Variants in HSD17B4 observed in about 807,000 individuals in gnomAD.
HSD17B4 encodes the protein hydroxysteroid 17-beta dehydrogenase 4, also known as peroxisomal multifunctional enzyme type 2.
In HSD17B4, 70 loss-of-function variants were observed where a neutral mutation model predicts 101.0. The observed-to-expected ratio is 0.69, with a 90% CI of 0.57 to 0.85. The LOEUF is 0.85. Ranked by LOEUF, HSD17B4 falls within the 40% of genes least tolerant of loss-of-function variation. HSD17B4 has a pLI of 0.00. For synonymous variants in HSD17B4, 347 were observed against 297.1 expected, an observed-to-expected ratio of 1.17 and a Z score of -1.73; for missense variants, 984 against 892.4, an observed-to-expected ratio of 1.10 and a Z score of -1.31.
At chr5:119,478,688 TTA>T in intron 7 of HSD17B4, 144 bp from the exon 8 acceptor site, 1 of 587,666 alleles carries the variant, frequency 1.7e-6, no homozygotes, top group Non-Finnish European at 3.0e-6. Flanking sequence ...TAATATTATT[TTA>T]GTTACATAAA....
rs1750962265 is a variant in HSD17B4, at chr5:119,499,513, G to C, written c.1169G>C (p.Gly390Ala). 3.7e-6 allele frequency: 6 copies of C among 1,613,338 alleles called. No individual in the cohort carries two copies. The highest frequency in any genetic ancestry group is 5.1e-6 in the Non-Finnish European group (6 of 1,179,504). Residue 390 changes from glycine to alanine, a missense_variant, in exon 13 of 24, where the codon GGA becomes GCA. Coordinates refer to ENST00000510025, the MANE Select transcript of HSD17B4 (RefSeq NM_000414.4). ...GGTCAGAAATCTATGATGGGTGGAG[G>C]ATTAGCAGAAATTCCTGGACTTTCA... ...IIGQKSMMGG[G>A]LAEIPGLSIN... is the part of the protein sequence containing the mutation.
At chr5:119,492,252 TTAAACATTGCTA>T (rs1475396290) in intron 10 of HSD17B4, 128 bp downstream of exon 10, 1 of 776,502 alleles carries the variant, frequency 1.3e-6, no homozygotes, top group Admixed American at 1.8e-5. Flanking sequence ...ATATTCAAAC[TTAAACATTGCTA>T]TAGCAACAGG....
chr5:119,460,654 T>C (rs1005646148), intron 2 of HSD17B4, among the ~76,000 whole-genome samples: 1 of 152,242 alleles, frequency 6.6e-6, no homozygotes, highest in Non-Finnish European at 1.5e-5. Context: ...GCGTCTATTA[T>C]GTAGCAAACA....
At chr5:119,508,357 G>C (rs193197313) in intron 15 of HSD17B4, among the ~76,000 whole-genome samples, 3 of 152,132 alleles carry the variant, frequency 2.0e-5, no homozygotes, top group African/African-American at 7.2e-5. Flanking sequence ...AAGTGAAATT[G>C]GTTATTCAGT....
intron 1 of HSD17B4, among the ~76,000 whole-genome samples, chr5:119,454,535 G>A (rs981540793): frequency 3.3e-5 from 5 of 151,568 alleles, no homozygotes; most frequent in Admixed American, 1.3e-4. Flanking sequence ...CAAACTCCTG[G>A]CCTCAAGTGA....
At chr5:119,539,846 T>C (rs1253347664) in intron 23 of HSD17B4, among the ~76,000 whole-genome samples, 2 of 148,888 alleles carry the variant, frequency 1.3e-5, no homozygotes, top group Non-Finnish European at 1.5e-5. Flanking sequence ...TTCCAGCACT[T>C]TGGGAGGCCA....
intron 11 of HSD17B4, among the ~76,000 whole-genome samples, 159 bp downstream of exon 11, chr5:119,494,105 T>C (rs1750373143): frequency 6.6e-6 from 1 of 152,204 alleles, no homozygotes; most frequent in African/African-American, 2.4e-5. Flanking sequence ...ATTCTTCACA[T>C]TTAAGATATT....
At chr5:119,521,471 G>A (rs979594759) in intron 17 of HSD17B4, among the ~76,000 whole-genome samples, 1 of 151,924 alleles carries the variant, frequency 6.6e-6, no homozygotes, top group South Asian at 2.1e-4. Context: ...CTCTTTCACT[G>A]TTTTGCTTTT....
chr5:119,527,132 G>A lies in HSD17B4; in HGVS notation c.1681-1G>A. The A allele has an allele frequency of 6.4e-7, 1 of 1,572,860 alleles. No individual in the cohort carries two copies. Among genetic ancestry groups the A allele is most frequent in the Non-Finnish European group, 8.7e-7 (1 of 1,143,508 alleles). On this transcript the variant is annotated splice_acceptor_variant, in intron 19 of 23. Coordinates refer to ENST00000510025, the MANE Select transcript of HSD17B4 (RefSeq NM_000414.4). LOFTEE classifies it high-confidence loss of function. The stretch of plus-strand genomic sequence containing the variant: ...TTTAACCCCACAATTCTTTTTTAAA[G>A]GCTCGTTTTGCAAAACCAGTATATC...
chr5:119,480,226 A>G (rs1748992565), intron 8 of HSD17B4, among the ~76,000 whole-genome samples: 2 of 152,070 alleles, frequency 1.3e-5, no homozygotes, highest in South Asian at 4.1e-4. Flanking sequence ...TGTATATTTT[A>G]GAAACAAGTC....
chr5:119,508,529 A>G (rs1328015272), intron 15 of HSD17B4, among the ~76,000 whole-genome samples: 4 of 152,230 alleles, frequency 2.6e-5, no homozygotes, highest in Non-Finnish European at 2.9e-5. Context: ...CTAGTAAGTT[A>G]GTAAATAGAG....
chr5:119,453,770 T>A (rs1185987891), intron 1 of HSD17B4, among the ~76,000 whole-genome samples: 1 of 152,266 alleles, frequency 6.6e-6, no homozygotes, highest in East Asian at 1.9e-4. Context: ...TATCTCTGCA[T>A]GGGCATGTAT....
chr5:119,521,866 AG>A (rs906912308), intron 17 of HSD17B4, among the ~76,000 whole-genome samples: 5 of 146,752 alleles, frequency 3.4e-5, no homozygotes, highest in South Asian at 4.3e-4. Flanking sequence ...GTTTATTTGG[AG>A]GGGGGGTGGA....
chr5:119,516,605 A>G (rs1340940416), intron 17 of HSD17B4, among the ~76,000 whole-genome samples: 2 of 152,262 alleles, frequency 1.3e-5, no homozygotes, highest in Non-Finnish European at 2.9e-5. Flanking sequence ...TTTGTATTGT[A>G]TGATAATTAG....
At chr5:119,459,719 C>T (rs10057643) in intron 2 of HSD17B4, among the ~76,000 whole-genome samples, 19 of 152,078 alleles carry the variant, frequency 1.2e-4, no homozygotes, top group South Asian at 6.2e-4. Flanking sequence ...TGCTGGCTCT[C>T]GTCTCTTTTC....
At chr5:119,539,922 CAAAAA>C (rs35193622) in intron 23 of HSD17B4, among the ~76,000 whole-genome samples, 1 of 105,848 alleles carries the variant, frequency 9.4e-6, no homozygotes, top group Admixed American at 1.0e-4. Flanking sequence ...CTGTCTCTAC[CAAAAA>C]AAAAAAAAAA....
chr5:119,539,384 AG>A (rs1435549678), intron 23 of HSD17B4, among the ~76,000 whole-genome samples: 3 of 139,942 alleles, frequency 2.1e-5, no homozygotes, highest in Middle Eastern at 3.6e-3. Context: ...TTGAACAATG[AG>A]AACACCTGGA....
chr5:119,516,964 C>T (rs898444560), intron 17 of HSD17B4, among the ~76,000 whole-genome samples: 16 of 152,238 alleles, frequency 1.1e-4, no homozygotes, highest in African/African-American at 1.7e-4. Context: ...AGCCCTCGCT[C>T]GCTCTCGGCG....
At chr5:119,457,793 C>T (rs1249420307) in intron 2 of HSD17B4, among the ~76,000 whole-genome samples, 1 of 152,102 alleles carries the variant, frequency 6.6e-6, no homozygotes, top group Admixed American at 6.5e-5. Context: ...ACTAAAGGAC[C>T]TAGAATATTT....
Sources: gnomAD v4.1 joint callset for allele counts (sites outside exome capture counted in the v4.1 genomes callset) on GRCh38, gnomAD v4.1.1 for gene constraint, MANE v1.5 for transcripts, NCBI Gene and HGNC (gene_info 2026-07-23, HGNC 2026-07-21) for gene names.